The following RPS6KA1 variants were observed in gnomAD, a reference collection of about 807,000 sequenced individuals.
The protein encoded by RPS6KA1 is ribosomal protein S6 kinase A1.
Under a neutral mutation model 91.3 loss-of-function variants are expected in RPS6KA1, and 48 were observed. That is an observed-to-expected ratio of 0.53 (90% CI 0.42 to 0.67). The LOEUF is 0.67. Among genes scored for constraint, RPS6KA1 ranks in the 30% least tolerant of loss-of-function variants. The pLI, the probability that RPS6KA1 is intolerant of heterozygous loss-of-function variation, is 0.00. For synonymous variants in RPS6KA1, 359 were observed against 384.7 expected, an observed-to-expected ratio of 0.93 and a Z score of 0.78; for missense variants, 719 against 960.5, an observed-to-expected ratio of 0.75 and a Z score of 3.32.
chr1:26,568,732 A>G (rs2124668930), intron 17 of RPS6KA1, among the ~76,000 whole-genome samples: 1 of 152,328 alleles, frequency 6.6e-6, no homozygotes, highest in African/African-American at 2.4e-5. Context: ...CCTGGGCAAC[A>G]AAAGCAAAAC....
chr1:26,548,542 A>G (rs952000567), intron 4 of RPS6KA1, among the ~76,000 whole-genome samples: 3 of 152,178 alleles, frequency 2.0e-5, no homozygotes, highest in Non-Finnish European at 2.9e-5. Flanking sequence ...TCATACCTGT[A>G]ATCCTAGCAC....
chr1:26,549,185 A>G lies in RPS6KA1; in HGVS notation c.307+1915A>G, dbSNP rs544786421. Among the ~76,000 whole-genome samples the G allele has an allele frequency of 7.3e-5, 11 of 151,170 alleles. No homozygotes were observed. In the East Asian group the frequency reaches 1.7e-3, roughly 24 times the overall value. ...AGGAAACTGCCAATCCAGTACATGG[A>G]CCAAAAAAGCCTTTAGTTTTGCATT... is the stretch of plus-strand genomic sequence containing the variant. On this transcript the variant is annotated intron_variant, in intron 4 of 21. Coordinates refer to ENST00000374168, the MANE Select transcript of RPS6KA1 (RefSeq NM_002953.4).
intron 13 of RPS6KA1, 67 bp downstream of exon 13, chr1:26,557,167 C>A: frequency 7.8e-7 from 1 of 1,283,004 alleles, no homozygotes; most frequent in Non-Finnish European, 1.1e-6. Flanking sequence ...TCGGTGGCAG[C>A]TTGGGGGGCA....
In RPS6KA1 at chr1:26,555,055, A is replaced by G. The variant is rs922242476; in HGVS notation, c.757-96A>G. ...AGGCTGACTTGGATGTATCAGCAAG[A>G]ATCCTGGGACTGGGGCAGAGGGGTC... On this transcript the variant is annotated intron_variant, in intron 9 of 21. Transcript: ENST00000374168. The surrounding 1 kb of genome is among the most constrained non-coding windows in gnomAD (Gnocchi z 4.3). The G allele has an allele frequency of 1.6e-6, 2 of 1,258,684 alleles. No homozygotes were observed. Among genetic ancestry groups the G allele is most frequent in the African/African-American group, 1.5e-5 (1 of 67,168 alleles). The allele number at this position is 1,258,684 out of a possible 1,614,324, so 78.0% of individuals were successfully genotyped here. A position where few individuals can be genotyped will look rare whatever the true frequency, so the allele number is the denominator to read the frequency against.
At position 26,541,701 on chromosome 1, in the gene RPS6KA1, G is replaced by A. The variant is rs565818033; in HGVS notation, c.108+4732G>A. ...GGGAGCTGTGGACCCCTCCTCACCT[G>A]CCTGGAGGCACGCTGGGAGATGTGT... On this transcript the variant is annotated intron_variant, in intron 2 of 21. Coordinates refer to ENST00000374168, the MANE Select transcript of RPS6KA1 (RefSeq NM_002953.4). Among the ~76,000 whole-genome samples, 3 of 152,382 alleles carry A rather than the reference G, an allele frequency of 2.0e-5. No homozygotes were observed. The South Asian group carries it at 6.2e-4, about 32-fold the overall frequency.
intron 1 of RPS6KA1, among the ~76,000 whole-genome samples, chr1:26,534,099 A>G (rs986551716): frequency 1.3e-5 from 2 of 151,988 alleles, no homozygotes; most frequent in African/African-American, 4.8e-5. Context: ...AGGTACACCT[A>G]CCCCTTCCTC....
intron 1 of RPS6KA1, chr1:26,530,702 G>A (rs2075861189): frequency 8.0e-7 from 1 of 1,254,372 alleles, no homozygotes. Flanking sequence ...TTTGGCTTCT[G>A]CCAGCCCAGA....
chr1:26,544,143 C>T lies in RPS6KA1; in HGVS notation c.109-2724C>T, dbSNP rs142312874. ...GGGGATCCCTGCCCTGCTGCCTGCC[C>T]GTGTGTCTGCCAGGTGTCAGACCTA... On this transcript the variant is annotated intron_variant, in intron 2 of 21. Transcript: ENST00000374168. The T allele has an allele frequency of 6.8e-5, 31 of 456,350 alleles. No homozygotes were observed. In the East Asian group the frequency reaches 1.3e-3, roughly 18 times the overall value. 28.3% of individuals were successfully genotyped at this position (456,350 alleles called of 1,614,324 possible). A position where few individuals can be genotyped will look rare whatever the true frequency, so the allele number is the denominator to read the frequency against.
In RPS6KA1 at chr1:26,574,748, G is replaced by T. The variant is rs1336506829; in HGVS notation, c.*547G>T. 7.0e-6 allele frequency: 2 copies of T among 284,582 alleles called. No homozygotes were observed. The highest frequency in any genetic ancestry group is 1.4e-5 in the Non-Finnish European group (2 of 143,080). The allele number at this position is 284,582 out of a possible 1,614,324, so 17.6% of individuals were successfully genotyped here. A position where few individuals can be genotyped will look rare whatever the true frequency, so the allele number is the denominator to read the frequency against. ...GCTGGGAGTTCTAGAACCACTTCCT[G>T]CTACAGGAGGGGTCTCATGTCCTGC... is the stretch of plus-strand genomic sequence containing the variant. On this transcript the variant is annotated 3_prime_UTR_variant, in exon 22 of 22. Transcript: ENST00000374168. This position sits in a 1 kb window ranked among gnomAD's most constrained non-coding sequence, Gnocchi z 4.3.
intron 6 of RPS6KA1, among the ~76,000 whole-genome samples, chr1:26,552,280 C>T (rs2076057962): frequency 6.8e-6 from 1 of 147,898 alleles, no homozygotes; most frequent in Non-Finnish European, 1.5e-5. Context: ...CCCAGCTACT[C>T]AGGAAGCGGA....
In RPS6KA1 at chr1:26,545,335, A is replaced by ATTT. The variant is rs35845328; in HGVS notation, c.109-1520_109-1518dup. Reference sequence around the variant, plus strand: ...AGGAGCTGACCACCACGCCTGGCCAATTTTTTTTTTTTTTGTATTTTTAGT... The same window carrying ATTT: ...AGGAGCTGACCACCACGCCTGGCCAATTTTTTTTTTTTTTTTTGTATTTTTAGT... On this transcript the variant is annotated intron_variant, in intron 2 of 21. Coordinates refer to ENST00000374168, the MANE Select transcript of RPS6KA1 (RefSeq NM_002953.4). 4.3e-3 allele frequency among the ~76,000 whole-genome samples: 613 copies of ATTT among 142,600 alleles called. 7 individuals carry two copies. Among genetic ancestry groups the ATTT allele is most frequent in the African/African-American group, 0.015 (579 of 38,264 alleles). 93.6% of individuals were successfully genotyped at this position (142,600 alleles called of 152,430 possible).
intron 1 of RPS6KA1, chr1:26,530,907 T>C: frequency 8.0e-7 from 1 of 1,254,146 alleles, no homozygotes; most frequent in Non-Finnish European, 1.0e-6. Flanking sequence ...AAGCAGGTGA[T>C]ATTCTCCTTC....
chr1:26,530,513 C>T (rs1463547785), intron 1 of RPS6KA1, among the ~76,000 whole-genome samples: 1 of 152,230 alleles, frequency 6.6e-6, no homozygotes, highest in Non-Finnish European at 1.5e-5. Flanking sequence ...TCCTGGTTTT[C>T]TTTGCCCTGA....
At chr1:26,550,406 TCTC>T (rs1395816822) in intron 4 of RPS6KA1, among the ~76,000 whole-genome samples, 3 of 150,886 alleles carry the variant, frequency 2.0e-5, no homozygotes, top group Non-Finnish European at 4.4e-5. Context: ...ATGGTCTCGA[TCTC>T]CTGACCTCAT....
chr1:26,555,059 C>T lies in RPS6KA1; in HGVS notation c.757-92C>T. On this transcript the variant is annotated intron_variant, in intron 9 of 21. Transcript: ENST00000374168. This position sits in a 1 kb window ranked among gnomAD's most constrained non-coding sequence, Gnocchi z 4.3. ...TGACTTGGATGTATCAGCAAGAATC[C>T]TGGGACTGGGGCAGAGGGGTCTGAC... 1 of 1,291,692 alleles carries T rather than the reference C, an allele frequency of 7.7e-7. No individual in the cohort carries two copies. Among genetic ancestry groups the T allele is most frequent in the Admixed American group, 1.9e-5 (1 of 52,982 alleles). The allele number at this position is 1,291,692 out of a possible 1,614,324, so 80.0% of individuals were successfully genotyped here. A position where few individuals can be genotyped will look rare whatever the true frequency, so the allele number is the denominator to read the frequency against.
At chr1:26,534,038 G>T (rs567549063) in intron 1 of RPS6KA1, among the ~76,000 whole-genome samples, 5 of 152,336 alleles carry the variant, frequency 3.3e-5, no homozygotes, top group African/African-American at 9.6e-5. Context: ...CTGCCTTAGA[G>T]CGGGGGGTCC....
chr1:26,546,658 A>G (rs2075996997), intron 2 of RPS6KA1, among the ~76,000 whole-genome samples: 1 of 152,210 alleles, frequency 6.6e-6, no homozygotes, highest in South Asian at 2.1e-4. Flanking sequence ...CATCGTGAGC[A>G]ATAGGAGCGG....
intron 17 of RPS6KA1, among the ~76,000 whole-genome samples, chr1:26,568,733 A>G (rs2076224885): frequency 6.6e-6 from 1 of 152,092 alleles, no homozygotes; most frequent in Non-Finnish European, 1.5e-5. Context: ...CTGGGCAACA[A>G]AAGCAAAACT....
intron 2 of RPS6KA1, chr1:26,543,327 T>A (rs1178824794): frequency 1.2e-6 from 1 of 847,146 alleles, no homozygotes. Context: ...TGGTTTCCTG[T>A]CTCTGTCCCC....
Sources: allele counts gnomAD v4.1 joint callset (sites outside exome capture counted in the v4.1 genomes callset), GRCh38; gene constraint gnomAD v4.1.1; non-coding constraint Gnocchi (gnomAD v3.1); transcripts MANE v1.5; gene names NCBI Gene and HGNC (gene_info 2026-07-23, HGNC 2026-07-21).